TRPS1: variants seen among roughly 807,000 people sequenced by gnomAD.
TRPS1 encodes transcriptional repressor GATA binding 1.
Under a neutral mutation model 101.2 loss-of-function variants are expected in TRPS1, and 6 were observed. The ratio of observed to expected loss-of-function variants is 0.06; its 90% CI spans 0.03 to 0.12. TRPS1 has a LOEUF of 0.12. Among genes scored for constraint, TRPS1 ranks in the 10% least tolerant of loss-of-function variants. The pLI, the probability that TRPS1 is intolerant of heterozygous loss-of-function variation, is 1.00. For synonymous variants in TRPS1, 578 were observed against 589.8 expected, an observed-to-expected ratio of 0.98 and a Z score of 0.29; for missense variants, 1,363 against 1,567.0, an observed-to-expected ratio of 0.87 and a Z score of 2.20.
intron 5 of TRPS1, among the ~76,000 whole-genome samples, chr8:115,486,479 T>G (rs1814882815): frequency 6.6e-6 from 1 of 152,176 alleles, no homozygotes; most frequent in Non-Finnish European, 1.5e-5. Flanking sequence ...TGATTAAGCT[T>G]AGTGAGGAAA....
chr8:115,438,419 C>A (rs1455381211), intron 5 of TRPS1, among the ~76,000 whole-genome samples: 2 of 152,152 alleles, frequency 1.3e-5, no homozygotes, highest in Non-Finnish European at 2.9e-5. Flanking sequence ...CTAATAAAGT[C>A]ATTTTCTAGG....
chr8:115,572,408 G>A (rs1368810554), intron 5 of TRPS1, among the ~76,000 whole-genome samples: 1 of 151,990 alleles, frequency 6.6e-6, no homozygotes, highest in Admixed American at 6.6e-5. Context: ...GATTAATTGA[G>A]AAGGGGTCAT....
At chr8:115,602,047 T>A (rs1021813583) in intron 4 of TRPS1, among the ~76,000 whole-genome samples, 4 of 151,936 alleles carry the variant, frequency 2.6e-5, no homozygotes, top group Admixed American at 1.3e-4. Flanking sequence ...GTGAAAACCC[T>A]GTTTTCCCAG....
At chr8:115,533,434 C>CTTTTTTTTTTT (rs1427634638) in intron 5 of TRPS1, among the ~76,000 whole-genome samples, 51 of 32,296 alleles carry the variant, frequency 1.6e-3, no homozygotes, top group East Asian at 4.2e-3. Flanking sequence ...CACATGTAAT[C>CTTTTTTTTTTT]TGTTTTTTTT....
intron 5 of TRPS1, among the ~76,000 whole-genome samples, chr8:115,446,442 A>G (rs1027624727): frequency 6.6e-6 from 1 of 151,718 alleles, no homozygotes; most frequent in Non-Finnish European, 1.5e-5. Context: ...CTTGTCTAGT[A>G]TTGAGATTGG....
intron 5 of TRPS1, among the ~76,000 whole-genome samples, chr8:115,428,047 G>A (rs1403646942): frequency 1.3e-5 from 2 of 152,170 alleles, no homozygotes; most frequent in Non-Finnish European, 2.9e-5. Context: ...CTTGGCTAGA[G>A]TTGGGGCAAG....
chr8:115,586,976 T>C, intron 5 of TRPS1, 25 bp downstream of exon 5: 1 of 1,613,746 alleles, frequency 6.2e-7, no homozygotes, highest in Non-Finnish European at 8.5e-7. Context: ...AACAAATGAA[T>C]TATTTAAAAA....
At chr8:115,612,093 G>A (rs1014183294) in intron 3 of TRPS1, among the ~76,000 whole-genome samples, 8 of 150,432 alleles carry the variant, frequency 5.3e-5, no homozygotes, top group Non-Finnish European at 8.9e-5. Flanking sequence ...GAGAAAGGAA[G>A]GAGGATGAAA....
chr8:115,411,880 A>AC lies in TRPS1; in HGVS notation c.*2142dup, dbSNP rs1411656395. On this transcript the variant is annotated 3_prime_UTR_variant, in exon 7 of 7. Transcript: ENST00000395715. ...AGACATTTTTTTAACTTCATTCGCT[A>AC]CAACAGTCACGAACTGGTTGAACTC... is the stretch of plus-strand genomic sequence containing the variant. 6.6e-6 allele frequency: 1 copy of AC among 152,354 alleles called. No individual in the cohort carries two copies. The highest frequency in any genetic ancestry group is 2.4e-5 in the African/African-American group (1 of 41,416). 9.4% of individuals were successfully genotyped at this position (152,354 alleles called of 1,614,324 possible). A position where few individuals can be genotyped will look rare whatever the true frequency, so the allele number is the denominator to read the frequency against.
In TRPS1 at chr8:115,418,387, C is replaced by T. The variant is rs34786438; in HGVS notation, c.2766G>A (p.Lys922=). 2.3e-3 allele frequency: 3,724 copies of T among 1,614,130 alleles called. 68 individuals carry two copies. The African/African-American group carries it at 0.044, about 19-fold the overall frequency. The part of the protein sequence containing the change: ...CLTTKTSLWR[K]NANGGYVCNA... ...TGCATACATATCCGCCATTTGCATT[C>T]TTTCGCCAGAGAGAGGTCTTTGTGG... Residue 922 remains lysine (K), a synonymous_variant, in exon 6 of 7, where the codon AAG becomes AAA. Coordinates refer to ENST00000395715, the MANE Select transcript of TRPS1 (RefSeq NM_014112.5). This position sits in a 1 kb window ranked among gnomAD's most constrained non-coding sequence, Gnocchi z 4.3.
intron 5 of TRPS1, among the ~76,000 whole-genome samples, chr8:115,442,727 T>C (rs554941456): frequency 9.9e-5 from 15 of 151,976 alleles, no homozygotes; most frequent in Admixed American, 3.3e-4. Context: ...TTTGGGATGC[T>C]GAGGCGGGCG....
At chr8:115,554,866 G>C (rs996010578) in intron 5 of TRPS1, among the ~76,000 whole-genome samples, 1 of 152,122 alleles carries the variant, frequency 6.6e-6, no homozygotes, top group Non-Finnish European at 1.5e-5. Context: ...AGTGTGAAGA[G>C]GGAGATGAGA....
chr8:115,471,598 C>A (rs184371027), intron 5 of TRPS1, among the ~76,000 whole-genome samples: 1 of 152,298 alleles, frequency 6.6e-6, no homozygotes, highest in East Asian at 1.9e-4. Flanking sequence ...GACTTCCCAA[C>A]AGTTCCCCAA....
At chr8:115,526,135 C>T (rs1815991493) in intron 5 of TRPS1, among the ~76,000 whole-genome samples, 1 of 151,950 alleles carries the variant, frequency 6.6e-6, no homozygotes, top group Non-Finnish European at 1.5e-5. Flanking sequence ...ACGGTGAAAC[C>T]CCATTTCTAC....
At position 115,643,179 on chromosome 8, in the gene TRPS1, C is replaced by T. The variant is rs576284850; in HGVS notation, c.-121-19421G>A. ...GGTCTTGCCTCATTGTTGATAGCTG[C>T]TCAGTGGAGGTCTTTGCTGAAGCTG... On this transcript the variant is annotated intron_variant, in intron 1 of 6. Transcript: ENST00000395715. Among the ~76,000 whole-genome samples the T allele has an allele frequency of 3.0e-4, 46 of 152,266 alleles. No homozygotes were observed. The East Asian group carries it at 8.7e-3, about 29-fold the overall frequency.
intron 1 of TRPS1, among the ~76,000 whole-genome samples, chr8:115,663,351 A>C (rs1004472326): frequency 3.3e-5 from 5 of 152,050 alleles, no homozygotes; most frequent in African/African-American, 1.2e-4. Flanking sequence ...TTTAAAGCAA[A>C]GTTTGGCATT....
At chr8:115,504,390 A>G (rs1815391473) in intron 5 of TRPS1, among the ~76,000 whole-genome samples, 1 of 152,190 alleles carries the variant, frequency 6.6e-6, no homozygotes, top group South Asian at 2.1e-4. Flanking sequence ...TGGAACAAAG[A>G]CCAGGAGCTG....
intron 5 of TRPS1, among the ~76,000 whole-genome samples, chr8:115,544,777 C>T (rs1816532517): frequency 6.6e-6 from 1 of 152,044 alleles, no homozygotes; most frequent in Non-Finnish European, 1.5e-5. Flanking sequence ...CTGTAGAATT[C>T]CCAGTTTTTG....
Position 115,619,621 on chromosome 8 carries a change from G to A in TRPS1, c.477C>T (p.Asp159=), listed in dbSNP as rs765705579. The change falls in exon 3 of 7, where the codon GAC becomes GAT. Residue 159 remains aspartate (D), a synonymous_variant. Transcript: ENST00000395715. ...PQDMACTPSG[D]SLETKEDQKM... ...TCTGATCTTCCTTTGTCTCCAGTGA[G>A]TCCCCTGAGGGGGTGCAGGCCATAT... The A allele has an allele frequency of 6.2e-7, 1 of 1,614,168 alleles. No individual in the cohort carries two copies. Among genetic ancestry groups the A allele is most frequent in the Admixed American group, 1.7e-5 (1 of 60,022 alleles).
Sources: gnomAD v4.1 joint callset for allele counts (sites outside exome capture counted in the v4.1 genomes callset) on GRCh38, gnomAD v4.1.1 for gene constraint, Gnocchi (gnomAD v3.1) non-coding constraint, MANE v1.5 for transcripts, NCBI Gene and HGNC (gene_info 2026-07-23, HGNC 2026-07-21) for gene names.